The following MLLT1 variants were observed in gnomAD, a reference collection of about 807,000 sequenced individuals.
MLLT1 encodes protein ENL.
Under a neutral mutation model 55.1 loss-of-function variants are expected in MLLT1, and 11 were observed. The observed-to-expected ratio is 0.20, with a 90% CI of 0.13 to 0.33. The LOEUF (loss-of-function observed/expected upper bound fraction) is 0.33. Among genes scored for constraint, MLLT1 ranks in the 10% least tolerant of loss-of-function variants. MLLT1 has a pLI of 1.00. For missense variants in MLLT1, 536 were observed against 760.6 expected, an observed-to-expected ratio of 0.70 and a Z score of 3.47; for synonymous variants, 323 against 320.1, an observed-to-expected ratio of 1.01 and a Z score of -0.10.
rs2090872906 is a variant in MLLT1, at chr19:6,219,234, C to G, written c.1111-1193G>C. 6.6e-6 allele frequency among the ~76,000 whole-genome samples: 1 copy of G among 152,266 alleles called. No homozygotes were observed. Among genetic ancestry groups the G allele is most frequent in the South Asian group, 2.1e-4 (1 of 4,826 alleles). On this transcript the variant is annotated intron_variant, in intron 6 of 11. Coordinates refer to ENST00000252674, the MANE Select transcript of MLLT1 (RefSeq NM_005934.4). This position sits in a 1 kb window ranked among gnomAD's most constrained non-coding sequence, Gnocchi z 4.5. ...GGGACTTCCCAAGGGTTTACTGCAG[C>G]CCAACCCAGCCCCCTCCTGCCCCTC...
At chr19:6,267,204 C>T (rs1179534472) in intron 2 of MLLT1, among the ~76,000 whole-genome samples, 1 of 151,970 alleles carries the variant, frequency 6.6e-6, no homozygotes, top group African/African-American at 2.4e-5. Context: ...TGGGTTCAAG[C>T]GATTCTCCTG....
At chr19:6,278,446 C>T (rs1228572803) in intron 1 of MLLT1, among the ~76,000 whole-genome samples, 1 of 146,790 alleles carries the variant, frequency 6.8e-6, no homozygotes, top group Non-Finnish European at 1.5e-5. Context: ...GGAACCCACC[C>T]ACCCACCCTG....
chr19:6,269,256 C>T (rs933879263), intron 2 of MLLT1, among the ~76,000 whole-genome samples: 12 of 152,366 alleles, frequency 7.9e-5, no homozygotes, highest in Middle Eastern at 3.4e-3. Context: ...GCACAGGTAG[C>T]GGCCTGCCCC....
At chr19:6,252,058 G>A (rs531971137) in intron 3 of MLLT1, among the ~76,000 whole-genome samples, 1 of 152,234 alleles carries the variant, frequency 6.6e-6, no homozygotes, top group Admixed American at 6.5e-5. Context: ...TCGGGCCGAG[G>A]AGGGAAGACT....
rs1156505846 is a variant in MLLT1, at chr19:6,240,480, G to T, written c.277-9767C>A. Among the ~76,000 whole-genome samples the T allele has an allele frequency of 2.0e-5, 3 of 152,234 alleles. No homozygotes were observed. On this transcript the variant is annotated intron_variant, in intron 3 of 11. Coordinates refer to ENST00000252674, the MANE Select transcript of MLLT1 (RefSeq NM_005934.4). This position sits in a 1 kb window ranked among gnomAD's most constrained non-coding sequence, Gnocchi z 4.7. ...GGCGCAGGTGACGTTGCCCATCTGT[G>T]CTCAGCGTCCTCACCTGTGAAGTGG...
chr19:6,228,248 C>A (rs1477602334), intron 4 of MLLT1, among the ~76,000 whole-genome samples: 3 of 152,352 alleles, frequency 2.0e-5, no homozygotes, highest in South Asian at 2.1e-4. Flanking sequence ...CATGCACAGA[C>A]GGGCTTGCCA....
At chr19:6,224,721 G>T (rs1053587231) in intron 5 of MLLT1, among the ~76,000 whole-genome samples, 2 of 150,640 alleles carry the variant, frequency 1.3e-5, no homozygotes, top group South Asian at 2.1e-4. Context: ...CGATTTTTTT[G>T]TTTGTTTGTT....
chr19:6,273,884 C>T lies in MLLT1; in HGVS notation c.13-3125G>A, dbSNP rs894780961. 2.0e-5 allele frequency among the ~76,000 whole-genome samples: 3 copies of T among 152,226 alleles called. No homozygotes were observed. Among genetic ancestry groups the T allele is most frequent in the African/African-American group, 7.2e-5 (3 of 41,460 alleles). On this transcript the variant is annotated intron_variant, in intron 1 of 11. Transcript: ENST00000252674. This position sits in a 1 kb window ranked among gnomAD's most constrained non-coding sequence, Gnocchi z 4.3. ...GGAGTTCCTACCCAGGGCACGCAGGCGGCAGAGCAGTTATTGTGAAAGAGT... is the reference window on the plus strand; with the variant it reads ...GGAGTTCCTACCCAGGGCACGCAGGTGGCAGAGCAGTTATTGTGAAAGAGT...
chr19:6,213,749 G>A lies in MLLT1; in HGVS notation c.1456C>T (p.Leu486Phe), dbSNP rs1397421987. ...PESCSKPEKILKKGTYDKAYT... is the reference protein window; with the variant it reads ...PESCSKPEKIFKKGTYDKAYT... ...ACCTTGTCGTAGGTGCCCTTCTTGA[G>A]GATCTTCTCAGGCTTGCTGCAGGAC... The change falls in exon 10 of 12, where the codon CTC (leucine) becomes TTC (phenylalanine). Residue 486 changes from leucine to phenylalanine, a missense_variant. This residue lies in a region of MLLT1 where 449 missense variants were observed against 489.0 expected (regional missense o/e 0.92). Transcript: ENST00000252674. 1 of 1,612,044 alleles carries A rather than the reference G, an allele frequency of 6.2e-7. No homozygotes were observed. Among genetic ancestry groups the A allele is most frequent in the African/African-American group, 1.3e-5 (1 of 74,284 alleles).
intron 1 of MLLT1, among the ~76,000 whole-genome samples, chr19:6,275,731 C>T (rs916426329): frequency 2.6e-5 from 4 of 152,180 alleles, no homozygotes; most frequent in African/African-American, 7.2e-5. Flanking sequence ...AATGACAAAG[C>T]GATGAGAAGG....
Position 6,262,155 on chromosome 19 carries a change from G to T in MLLT1, c.276+73C>A. 2 of 1,210,490 alleles carry T rather than the reference G, an allele frequency of 1.7e-6. No homozygotes were observed. The highest frequency in any genetic ancestry group is 2.4e-6 in the Non-Finnish European group (2 of 817,608). The allele number at this position is 1,210,490 out of a possible 1,614,324, so 75.0% of individuals were successfully genotyped here. On this transcript the variant is annotated intron_variant, in intron 3 of 11. Transcript: ENST00000252674. This position sits in a 1 kb window ranked among gnomAD's most constrained non-coding sequence, Gnocchi z 4.4. ...AGCGGCCAGTTCTCTGGCCTGTTTTGTGAACTGCCGTGGCACCCGGAGCAG... is the reference window on the plus strand; with the variant it reads ...AGCGGCCAGTTCTCTGGCCTGTTTTTTGAACTGCCGTGGCACCCGGAGCAG...
intron 3 of MLLT1, among the ~76,000 whole-genome samples, chr19:6,236,712 G>C (rs369041991): frequency 5.3e-5 from 8 of 152,262 alleles, no homozygotes; most frequent in African/African-American, 1.9e-4. Context: ...CATCCCAGGG[G>C]GCTGCGGACC....
rs568618576 is a variant in MLLT1, at chr19:6,273,934, G to C, written c.13-3175C>G. ...TGAAAGACCGCGGTTCCACTGGAGA[G>C]GGGGAGGATGGAAGCACCAGAACTC... is the stretch of plus-strand genomic sequence containing the variant. On this transcript the variant is annotated intron_variant, in intron 1 of 11. Transcript: ENST00000252674. This position sits in a 1 kb window ranked among gnomAD's most constrained non-coding sequence, Gnocchi z 4.3. Among the ~76,000 whole-genome samples, 5 of 152,384 alleles carry C rather than the reference G, an allele frequency of 3.3e-5. No individual in the cohort carries two copies. Among genetic ancestry groups the C allele is most frequent in the Admixed American group, 2.6e-4 (4 of 15,314 alleles).
At chr19:6,237,359 C>T (rs1018806428) in intron 3 of MLLT1, among the ~76,000 whole-genome samples, 11 of 152,262 alleles carry the variant, frequency 7.2e-5, no homozygotes, top group Non-Finnish European at 1.5e-4. Flanking sequence ...CCGCTCCTGC[C>T]GACCCTGGCT....
chr19:6,213,961 T>A lies in MLLT1; in HGVS notation c.1385A>T (p.Lys462Met). 6.9e-7 allele frequency: 1 copy of A among 1,452,634 alleles called. No homozygotes were observed. The highest frequency in any genetic ancestry group is 1.5e-5 in the South Asian group (1 of 65,828). The allele number at this position is 1,452,634 out of a possible 1,614,324, so 90.0% of individuals were successfully genotyped here. A position where few individuals can be genotyped will look rare whatever the true frequency, so the allele number is the denominator to read the frequency against. Residue 462 changes from lysine to methionine, a missense_variant, in exon 9 of 12, where the codon AAG becomes ATG. Transcript: ENST00000252674. ...CACCTTGCTGTTGGGCGGGGGTGGC[T>A]TCTGGGGGGGTGGGGGCTCACGGCT... Reference protein sequence around the residue: ...LPSREPPPPQKPPPPNSKVSG... With the variant: ...LPSREPPPPQMPPPPNSKVSG...
chr19:6,222,281 C>T lies in MLLT1; in HGVS notation c.950G>A (p.Arg317His), dbSNP rs770746045. The T allele has an allele frequency of 2.5e-6, 4 of 1,610,216 alleles. No individual in the cohort carries two copies. The highest frequency in any genetic ancestry group is 1.3e-5 in the African/African-American group (1 of 74,670). ...GSRSAPGTSP[R>H]TSSSSSFSDK... The stretch of plus-strand genomic sequence containing the variant: ...CGAGAAGGAGGAGGAGGAGGAGGTG[C>T]GGGGCGAGGTGCCTGGAGCACTCCG... Residue 317 changes from arginine to histidine, a missense_variant, in exon 6 of 12, where the codon CGC becomes CAC. Around this residue, in one of 3 missense-constraint regions of MLLT1, gnomAD observed 449 missense variants for 489.0 expected, o/e 0.92. Transcript: ENST00000252674. The surrounding 1 kb of genome is among the most constrained non-coding windows in gnomAD (Gnocchi z 4.1).
intron 3 of MLLT1, among the ~76,000 whole-genome samples, chr19:6,233,126 G>A (rs773510540): frequency 1.3e-5 from 2 of 152,198 alleles, no homozygotes; most frequent in South Asian, 2.1e-4. Flanking sequence ...CAAGGGGCTC[G>A]AGGTGCTGCA....
At chr19:6,237,642 G>A (rs1235694111) in intron 3 of MLLT1, among the ~76,000 whole-genome samples, 2 of 151,206 alleles carry the variant, frequency 1.3e-5, no homozygotes, top group Admixed American at 1.3e-4. Context: ...GGTGGCGGAC[G>A]CCTGTAGTCC....
intron 3 of MLLT1, among the ~76,000 whole-genome samples, chr19:6,261,302 AC>A (rs559880178): frequency 4.1e-4 from 63 of 152,232 alleles, no homozygotes; most frequent in Non-Finnish European, 6.0e-4. Flanking sequence ...GCCAAGCTGC[AC>A]CGGCTGAAAC....
Sources: allele counts gnomAD v4.1 joint callset (sites outside exome capture counted in the v4.1 genomes callset), GRCh38; gene constraint gnomAD v4.1.1; regional missense constraint gnomAD v4.1.1; non-coding constraint Gnocchi (gnomAD v3.1); transcripts MANE v1.5; gene names NCBI Gene and HGNC (gene_info 2026-07-23, HGNC 2026-07-21).